GALNT14: variants seen among roughly 807,000 people sequenced by gnomAD.
The protein encoded by GALNT14 is UDP-GalNAc:polypeptide N-acetylgalactosaminyltransferase 14.
GALNT14 carries 60 observed loss-of-function variants against 77.5 expected under a neutral mutation model. That is an observed-to-expected ratio of 0.77 (90% CI 0.63 to 0.96). The LOEUF is 0.96. Among genes scored for constraint, GALNT14 ranks in the 40% least tolerant of loss-of-function variants. GALNT14 has a pLI of 0.00. For synonymous variants in GALNT14, 280 were observed against 281.7 expected, an observed-to-expected ratio of 0.99 and a Z score of 0.06; for missense variants, 710 against 731.0, an observed-to-expected ratio of 0.97 and a Z score of 0.33.
chr2:30,970,430 G>A (rs1668276259), intron 2 of GALNT14, among the ~76,000 whole-genome samples: 1 of 152,208 alleles, frequency 6.6e-6, no homozygotes, highest in Admixed American at 6.5e-5. Flanking sequence ...TGCAGATGAT[G>A]CACGTAAGCA....
chr2:31,072,786 A>T (rs1408123164), intron 1 of GALNT14, among the ~76,000 whole-genome samples: 4 of 152,150 alleles, frequency 2.6e-5, no homozygotes, highest in Non-Finnish European at 4.4e-5. Context: ...CTCAGTCCGT[A>T]AGACTGCCAC....
chr2:31,083,639 A>G (rs1676266108), intron 1 of GALNT14, among the ~76,000 whole-genome samples: 1 of 152,184 alleles, frequency 6.6e-6, no homozygotes, highest in African/African-American at 2.4e-5. Flanking sequence ...CTATATGCAC[A>G]GTATCTGAGA....
chr2:30,920,084 G>A (rs1664940194), intron 13 of GALNT14, among the ~76,000 whole-genome samples: 1 of 152,156 alleles, frequency 6.6e-6, no homozygotes, highest in Non-Finnish European at 1.5e-5. Flanking sequence ...GGAATTTCAG[G>A]GGCAGGTGTC....
intron 7 of GALNT14, 37 bp from the exon 8 acceptor site, chr2:30,944,979 C>A (rs148827477): frequency 1.3e-6 from 2 of 1,542,014 alleles, no homozygotes. Flanking sequence ...TTTGGTCTCT[C>A]AAAAGCACTT....
rs1359223439 is a variant in GALNT14, at chr2:30,992,971, A to T, written c.166T>A (p.Phe56Ile). Residue 56 changes from phenylalanine (F) to isoleucine (I), a missense_variant, in exon 2 of 15, where the codon TTT becomes ATT. Transcript: ENST00000349752. ...DADWDDLWDQ[F>I]DERRYLNAKK... ...GCATTCAGATACCGCCGCTCATCAAACTGGTCCCACAGGTCGTCCCAGTCA... is the reference window on the plus strand; with the variant it reads ...GCATTCAGATACCGCCGCTCATCAATCTGGTCCCACAGGTCGTCCCAGTCA... 2.5e-6 allele frequency: 4 copies of T among 1,614,022 alleles called. No individual in the cohort carries two copies. In the East Asian group the frequency reaches 6.7e-5, roughly 27 times the overall value.
At chr2:31,106,515 C>A (rs1677568069) in intron 1 of GALNT14, among the ~76,000 whole-genome samples, 1 of 152,136 alleles carries the variant, frequency 6.6e-6, no homozygotes, top group South Asian at 2.1e-4. Context: ...ATTTCTGAGA[C>A]CAATTTGCCT....
chr2:30,909,490 C>T (rs1310475310), downstream of GALNT14, among the ~76,000 whole-genome samples: 34 of 151,032 alleles, frequency 2.3e-4, no homozygotes, highest in African/African-American at 8.0e-4. Flanking sequence ...CAGAGAAATG[C>T]AAATCAAAAC....
chr2:30,893,170 T>C, the GALNT14 span, among the ~76,000 whole-genome samples: 1 of 152,136 alleles, frequency 6.6e-6, no homozygotes, highest in African/African-American at 2.4e-5. Flanking sequence ...AATTAGAGAT[T>C]GGAGAAGAAA....
intron 1 of GALNT14, among the ~76,000 whole-genome samples, chr2:31,133,611 A>G (rs563772961): frequency 1.3e-5 from 2 of 152,334 alleles, no homozygotes; most frequent in African/African-American, 4.8e-5. Context: ...TAAGCCCTAA[A>G]CACCTGGACT....
At chr2:30,989,560 T>TTATATATATATATATATATATA (rs57594110) in intron 2 of GALNT14, among the ~76,000 whole-genome samples, 3 of 87,096 alleles carry the variant, frequency 3.4e-5, no homozygotes, top group African/African-American at 1.6e-4. Flanking sequence ...GGTAAATACC[T>TTATATATATATATATATATATA]TATATATATA....
chr2:31,008,686 G>A (rs574276003), intron 1 of GALNT14, among the ~76,000 whole-genome samples: 37 of 152,340 alleles, frequency 2.4e-4, no homozygotes, highest in South Asian at 8.3e-4. Context: ...AGGATGCGGT[G>A]CATAGAGAAA....
At chr2:31,028,270 C>T (rs1032001394) in intron 1 of GALNT14, among the ~76,000 whole-genome samples, 9 of 152,154 alleles carry the variant, frequency 5.9e-5, no homozygotes, top group African/African-American at 1.9e-4. Flanking sequence ...CAGCCATTTC[C>T]CTCCTCTGAG....
intron 1 of GALNT14, among the ~76,000 whole-genome samples, chr2:31,055,436 C>T (rs754475231): frequency 3.9e-5 from 6 of 152,172 alleles, no homozygotes; most frequent in Non-Finnish European, 8.8e-5. Context: ...AATGACTGGC[C>T]TTGGAATGCA....
chr2:31,063,126 T>G (rs1674709191), intron 1 of GALNT14, among the ~76,000 whole-genome samples: 1 of 152,236 alleles, frequency 6.6e-6, no homozygotes, highest in Admixed American at 6.5e-5. Context: ...AGTCATGAAG[T>G]CTTTGCCCAT....
chr2:30,928,830 G>T (rs10175136), intron 11 of GALNT14, among the ~76,000 whole-genome samples: 9,392 of 151,928 alleles, frequency 0.062, 819 homozygotes, highest in African/African-American at 0.18. Context: ...TTGGCCAGGC[G>T]GGTCTCAGAC....
intron 13 of GALNT14, among the ~76,000 whole-genome samples, chr2:30,922,559 C>G (rs1248131846): frequency 6.6e-6 from 1 of 152,232 alleles, no homozygotes; most frequent in Non-Finnish European, 1.5e-5. Flanking sequence ...AGCTCCAGGT[C>G]TTTCCTGGGC....
intron 3 of GALNT14, among the ~76,000 whole-genome samples, chr2:30,961,751 G>A (rs1346813001): frequency 6.6e-6 from 1 of 151,096 alleles, no homozygotes; most frequent in Non-Finnish European, 1.5e-5. Flanking sequence ...GCACAATCTC[G>A]GCTCACTACA....
chr2:30,901,331 G>A, the GALNT14 span, among the ~76,000 whole-genome samples: 1 of 151,938 alleles, frequency 6.6e-6, no homozygotes, highest in Non-Finnish European at 1.5e-5. Flanking sequence ...CCCATATTGA[G>A]CTCAGTTTTA....
chr2:31,137,296 C>CT (rs1218241949), intron 1 of GALNT14, among the ~76,000 whole-genome samples: 1 of 152,228 alleles, frequency 6.6e-6, no homozygotes, highest in Non-Finnish European at 1.5e-5. Flanking sequence ...CAGGAACTGA[C>CT]TGAGCAGGAG....
Sources: allele counts gnomAD v4.1 joint callset (sites outside exome capture counted in the v4.1 genomes callset), GRCh38; gene constraint gnomAD v4.1.1; transcripts MANE v1.5; gene names NCBI Gene and HGNC (gene_info 2026-07-23, HGNC 2026-07-21).